Variants in HIC2 observed in about 807,000 individuals in gnomAD.
HIC2 encodes the protein hypermethylated in cancer 2 protein.
A neutral mutation model predicts 39.5 loss-of-function variants in HIC2; 2 were observed. The observed-to-expected ratio is 0.05, with a 90% CI of 0.02 to 0.16. HIC2 has a LOEUF of 0.16. Among genes scored for constraint, HIC2 ranks in the 10% least tolerant of loss-of-function variants. The pLI, the probability that HIC2 is intolerant of heterozygous loss-of-function variation, is 1.00. For missense variants in HIC2, 713 were observed against 863.5 expected (o/e 0.83, Z 2.18); for synonymous variants, 399 against 368.8 (o/e 1.08, Z -0.94).
In HIC2 at chr22:21,444,915, C is replaced by A; in HGVS notation, c.27-7C>A. The A allele has an allele frequency of 6.2e-7, 1 of 1,606,280 alleles. No homozygotes were observed. Among genetic ancestry groups the A allele is most frequent in the South Asian group, 1.1e-5 (1 of 90,464 alleles). On this transcript the variant is annotated splice_polypyrimidine_tract_variant and splice_region_variant and intron_variant, in intron 2 of 2. Coordinates refer to ENST00000407464, the MANE Select transcript of HIC2 (RefSeq NM_015094.3). ...TCTGACGCATGCGTGCCTGTTCTTG[C>A]CCACAGGTGGTGCGCGTGGGCAGGG...
rs572782489 is a variant in HIC2 at position 21,445,981 on chromosome 22, G to C, written c.1086G>C (p.Pro362=). 6 of 1,561,858 alleles carry C rather than the reference G, an allele frequency of 3.8e-6. No individual in the cohort carries two copies. The Admixed American group carries it at 9.9e-5, about 26-fold the overall frequency. ...AAGCAGGGCCCAAGGGTCCCTGCCC[G>C]GGAGAGGAGGGTGAGGGGGTCGGGG... ...RREAGPKGPC[P]GEEGEGVGDR... The change falls in exon 3 of 3, where the codon CCG becomes CCC. Residue 362 remains proline (P), a synonymous_variant. Coordinates refer to ENST00000407464, the MANE Select transcript of HIC2 (RefSeq NM_015094.3).
Position 21,445,099 on chromosome 22 carries a change from C to T in HIC2, c.204C>T (p.Ser68=). 1.9e-6 allele frequency: 3 copies of T among 1,614,218 alleles called. No homozygotes were observed. The highest frequency in any genetic ancestry group is 2.5e-6 in the Non-Finnish European group (3 of 1,180,042). The part of the protein sequence containing the change: ...RAHKNVLAAS[S]IYFKSLVLHD... Reference sequence around the variant, plus strand: ...ACAAGAACGTCCTAGCCGCCAGCAGCATCTATTTCAAGTCCCTGGTCCTGC... The same window carrying T: ...ACAAGAACGTCCTAGCCGCCAGCAGTATCTATTTCAAGTCCCTGGTCCTGC... The change falls in exon 3 of 3, where the codon AGC becomes AGT. Residue 68 remains serine, a synonymous_variant. Transcript: ENST00000407464.
intron 1 of HIC2, among the ~76,000 whole-genome samples, chr22:21,437,837 C>T (rs1047075040): frequency 3.2e-5 from 2 of 63,070 alleles, no homozygotes; most frequent in African/African-American, 6.5e-5. Flanking sequence ...TCGGGCGGGC[C>T]GTGGGCGGCC....
chr22:21,426,130 A>G (rs1923238101), intron 1 of HIC2, among the ~76,000 whole-genome samples: 1 of 148,380 alleles, frequency 6.7e-6, no homozygotes. Context: ...TACAGGTATT[A>G]GCCACCATGC....
In HIC2 at chr22:21,445,372, C is replaced by A. The variant is rs1437418893; in HGVS notation, c.477C>A (p.Pro159=). 6.4e-7 allele frequency: 1 copy of A among 1,556,162 alleles called. No individual in the cohort carries two copies. The highest frequency in any genetic ancestry group is 1.4e-5 in the African/African-American group (1 of 73,452). The change falls in exon 3 of 3, where the codon CCC becomes CCA. Residue 159 remains proline (P), a synonymous_variant. Coordinates refer to ENST00000407464, the MANE Select transcript of HIC2 (RefSeq NM_015094.3). ...GRAGSTGMGR[P]PRSQRLSTAS... is the part of the protein sequence containing the mutation. ...CGGGGTCCACTGGCATGGGGCGGCCCCCCCGCAGCCAGCGGCTGTCCACGG... is the reference window on the plus strand; with the variant it reads ...CGGGGTCCACTGGCATGGGGCGGCCACCCCGCAGCCAGCGGCTGTCCACGG...
rs113204928 is a variant in HIC2 at position 21,444,523 on chromosome 22, G to A, written c.27-399G>A. 7.2e-5 allele frequency among the ~76,000 whole-genome samples: 11 copies of A among 152,342 alleles called. No individual in the cohort carries two copies. In the East Asian group the frequency reaches 7.7e-4, roughly 11 times the overall value. On this transcript the variant is annotated intron_variant, in intron 2 of 2. Coordinates refer to ENST00000407464, the MANE Select transcript of HIC2 (RefSeq NM_015094.3). ...CCTCTCACGGAGTCCTCTGCTTCCC[G>A]AAGTTTAAAGCCATCTGGTCATTTT... is the stretch of plus-strand genomic sequence containing the variant.
In HIC2 at chr22:21,445,295, C is replaced by G. The variant is rs1311801570; in HGVS notation, c.400C>G (p.Leu134Val). 1 of 1,608,108 alleles carries G rather than the reference C, an allele frequency of 6.2e-7. No individual in the cohort carries two copies. Among genetic ancestry groups the G allele is most frequent in the African/African-American group, 1.3e-5 (1 of 75,064 alleles). Reference sequence around the variant, plus strand: ...CCTCCAGCTGCCCGAGTTGGCAGCCCTCTGCCGCCGCAAACTCAAGCGAGC... The same window carrying G: ...CCTCCAGCTGCCCGAGTTGGCAGCCGTCTGCCGCCGCAAACTCAAGCGAGC... The part of the protein sequence containing the change: ...SYLQLPELAA[L>V]CRRKLKRAGK... Residue 134 changes from leucine to valine, a missense_variant, in exon 3 of 3, where the codon CTC becomes GTC. Leu to Val is a conservative substitution (Grantham distance 32). Coordinates refer to ENST00000407464, the MANE Select transcript of HIC2 (RefSeq NM_015094.3).
At chr22:21,426,157 CAATTTTTTTTTTATTTTT>C (rs1419185266) in intron 1 of HIC2, among the ~76,000 whole-genome samples, 1 of 146,384 alleles carries the variant, frequency 6.8e-6, no homozygotes, top group Non-Finnish European at 1.5e-5. Flanking sequence ...TGAGGCTTTA[CAATTTTTTTTTTATTTTT>C]AATTTTTTTT....
At position 21,447,050 on chromosome 22, in the gene HIC2, T is replaced by G. The variant is rs1923887705; in HGVS notation, c.*307T>G. 5.4e-6 allele frequency: 2 copies of G among 369,396 alleles called. No homozygotes were observed. Among genetic ancestry groups the G allele is most frequent in the Non-Finnish European group, 4.9e-6 (1 of 203,022 alleles). 22.9% of individuals were successfully genotyped at this position (369,396 alleles called of 1,614,324 possible). A position where few individuals can be genotyped will look rare whatever the true frequency, so the allele number is the denominator to read the frequency against. ...TGGGTCTCGCTGGGACCTGGTCCCT[T>G]TGTTGCAGGCGGCTTGGAGAAAGGG... is the stretch of plus-strand genomic sequence containing the variant. On this transcript the variant is annotated 3_prime_UTR_variant, in exon 3 of 3. Transcript: ENST00000407464.
At position 21,451,275 on chromosome 22, in the gene HIC2, C is replaced by T. The variant is rs902181688; in HGVS notation, c.*4532C>T. The T allele has an allele frequency of 5.9e-5, 9 of 152,808 alleles. No homozygotes were observed. Among genetic ancestry groups the T allele is most frequent in the Non-Finnish European group, 1.0e-4 (7 of 68,044 alleles). The allele number at this position is 152,808 out of a possible 1,614,324, so 9.5% of individuals were successfully genotyped here. ...ACTGGCCACCGCCGCTGTCACTTGT[C>T]ACATTGAGTTCATGTCCCTTGAGAG... On this transcript the variant is annotated 3_prime_UTR_variant, in exon 3 of 3. Transcript: ENST00000407464.
In HIC2 at chr22:21,445,582, C is replaced by T. The variant is rs199679804; in HGVS notation, c.687C>T (p.Gly229=). 6.1e-5 allele frequency: 96 copies of T among 1,586,424 alleles called. No homozygotes were observed. The highest frequency in any genetic ancestry group is 9.1e-5 in the Admixed American group (5 of 54,908). The change falls in exon 3 of 3, where the codon GGC becomes GGT. Residue 229 remains glycine (G), a synonymous_variant. Coordinates refer to ENST00000407464, the MANE Select transcript of HIC2 (RefSeq NM_015094.3). The part of the protein sequence containing the change: ...CPAGGEAGLG[G]CSSSTNGSSG... ...CTGGCGGGGAGGCGGGTCTGGGGGG[C>T]TGCAGCAGCAGCACCAACGGGAGCA...
At position 21,446,775 on chromosome 22, in the gene HIC2, C is replaced by T. The variant is rs771362774; in HGVS notation, c.*32C>T. ...AAGACCCGCGGGCGCCCTCTGCCAC[C>T]TTGCTCCCCGGGAACCCATGGAAGG... On this transcript the variant is annotated 3_prime_UTR_variant, in exon 3 of 3. Coordinates refer to ENST00000407464, the MANE Select transcript of HIC2 (RefSeq NM_015094.3). 17 of 1,571,608 alleles carry T rather than the reference C, an allele frequency of 1.1e-5. 1 individual carries two copies. The highest frequency in any genetic ancestry group is 1.3e-5 in the Non-Finnish European group (15 of 1,155,764).
At position 21,444,953 on chromosome 22, in the gene HIC2, G is replaced by A. The variant is rs753640562; in HGVS notation, c.58G>A (p.Gly20Arg). 51 of 1,613,056 alleles carry A rather than the reference G, an allele frequency of 3.2e-5. No homozygotes were observed. The highest frequency in any genetic ancestry group is 8.3e-5 in the Admixed American group (5 of 60,004). The change falls in exon 3 of 3, where the codon GGG becomes AGG. Residue 20 changes from glycine (G) to arginine (R), a missense_variant. Around this residue, in one of 5 missense-constraint regions of HIC2, gnomAD observed 102 missense variants for 187.1 expected, o/e 0.55. Transcript: ENST00000407464. ...CGCGTGGGCAGGGCGCGGGGACATG[G>A]GGCCCGACATGGAGCTGCCCAGCCA... ...WCAWAGRGDM[G>R]PDMELPSHSK...
At chr22:21,432,641 A>C (rs1194567554) in intron 1 of HIC2, among the ~76,000 whole-genome samples, 1 of 136,074 alleles carries the variant, frequency 7.3e-6, no homozygotes, top group Non-Finnish European at 1.6e-5. Flanking sequence ...GCACCATGGC[A>C]CTCTAGCCTG....
chr22:21,448,857 CAGTG>C lies in HIC2; in HGVS notation c.*2117_*2120del, dbSNP rs1176362462. The C allele has an allele frequency of 1.3e-5, 2 of 152,768 alleles. No homozygotes were observed. The highest frequency in any genetic ancestry group is 2.4e-5 in the African/African-American group (1 of 41,450). The allele number at this position is 152,768 out of a possible 1,614,324, so 9.5% of individuals were successfully genotyped here. ...GAGACCCATGGACTTCACCCATACT[CAGTG>C]AGGGGGCTCCTGCCGTCCTGACGCC... On this transcript the variant is annotated 3_prime_UTR_variant, in exon 3 of 3. Coordinates refer to ENST00000407464, the MANE Select transcript of HIC2 (RefSeq NM_015094.3).
Position 21,445,776 on chromosome 22 carries a change from CTTA to C in HIC2, c.884_886del (p.Tyr295del), listed in dbSNP as rs760586695. The C allele has an allele frequency of 1.2e-6, 2 of 1,606,358 alleles. No individual in the cohort carries two copies. Among genetic ancestry groups the C allele is most frequent in the East Asian group, 4.5e-5 (2 of 44,836 alleles). ...GCTCCTCCCGTTGCCAACAGTGCCT[CTTA>C]TTCTGAGCTGGGGGGCACCCCTGAT... is the stretch of plus-strand genomic sequence containing the variant. On this transcript the variant is annotated inframe_deletion, in exon 3 of 3. Coordinates refer to ENST00000407464, the MANE Select transcript of HIC2 (RefSeq NM_015094.3).
chr22:21,443,609 G>T (rs1390085493), intron 2 of HIC2, among the ~76,000 whole-genome samples: 1 of 152,154 alleles, frequency 6.6e-6, no homozygotes, highest in African/African-American at 2.4e-5. Flanking sequence ...CTGCTCGGTT[G>T]TCCGTCAGCC....
rs1008676358 is a variant in HIC2 at position 21,448,544 on chromosome 22, T to C, written c.*1801T>C. On this transcript the variant is annotated 3_prime_UTR_variant, in exon 3 of 3. Transcript: ENST00000407464. ...GTCATCTTGCTTCACCATTTTTTTT[T>C]CTCTCTCTTTTCATTCTATTTTAAG... 4 of 144,500 alleles carry C rather than the reference T, an allele frequency of 2.8e-5. No individual in the cohort carries two copies. The highest frequency in any genetic ancestry group is 1.2e-4 in the African/African-American group (4 of 33,742). 9.0% of individuals were successfully genotyped at this position (144,500 alleles called of 1,614,324 possible).
Position 21,449,085 on chromosome 22 carries a change from A to G in HIC2, c.*2342A>G, listed in dbSNP as rs1282665466. On this transcript the variant is annotated 3_prime_UTR_variant, in exon 3 of 3. Coordinates refer to ENST00000407464, the MANE Select transcript of HIC2 (RefSeq NM_015094.3). ...CCTCACTCAACGACGTTTGTGCGAC[A>G]TAGTATTGTATCCACCTTAGTATTG... 6.6e-6 allele frequency: 1 copy of G among 152,668 alleles called. No homozygotes were observed. The highest frequency in any genetic ancestry group is 1.5e-5 in the Non-Finnish European group (1 of 68,052). 9.5% of individuals were successfully genotyped at this position (152,668 alleles called of 1,614,324 possible). A position where few individuals can be genotyped will look rare whatever the true frequency, so the allele number is the denominator to read the frequency against.
Sources: allele counts gnomAD v4.1 joint callset (sites outside exome capture counted in the v4.1 genomes callset), GRCh38; gene constraint gnomAD v4.1.1; regional missense constraint gnomAD v4.1.1; transcripts MANE v1.5; gene names NCBI Gene and HGNC (gene_info 2026-07-23, HGNC 2026-07-21).